The following TYK2 variants were observed in gnomAD, a reference collection of about 807,000 sequenced individuals.
TYK2 encodes non-receptor tyrosine-protein kinase TYK2.
TYK2 carries 65 observed loss-of-function variants against 130.9 expected under a neutral mutation model. That is an observed-to-expected ratio of 0.50 (90% confidence interval 0.41 to 0.61). The LOEUF (loss-of-function observed/expected upper bound fraction) is 0.61. TYK2 is among the 20% of genes least tolerant of loss of function. The probability of loss-of-function intolerance (pLI) is 0.00; values close to 1 mark genes in which losing one functional copy is unlikely to be tolerated. For missense variants in TYK2, 1,378 were observed against 1,610.7 expected, an observed-to-expected ratio of 0.86 and a Z score of 2.47; for synonymous variants, 647 against 658.9, an observed-to-expected ratio of 0.98 and a Z score of 0.28.
Position 10,354,618 on chromosome 19 carries a change from G to C in TYK2, c.2618-9C>G, listed in dbSNP as rs2040990726. ...CAAGACGTCAGCAAGATCTGGAAGA[G>C]TTGCGGTGGGTAAAGGCCTGACCCC... On this transcript the variant is annotated splice_polypyrimidine_tract_variant and intron_variant, in intron 18 of 24. Coordinates refer to ENST00000525621, the MANE Select transcript of TYK2 (RefSeq NM_003331.5). 6.2e-7 allele frequency: 1 copy of C among 1,611,856 alleles called. No homozygotes were observed. Among genetic ancestry groups the C allele is most frequent in the Admixed American group, 1.7e-5 (1 of 59,960 alleles).
rs1599327297 is a variant in TYK2 at position 10,353,316 on chromosome 19, G to T, written c.3027+212C>A. ...CGAGCAAAGCTGGGCAGGAGGGCGA[G>T]TTGGGAGGGGCCGAGCCGGCTGTGC... On this transcript the variant is annotated intron_variant, in intron 21 of 24. Coordinates refer to ENST00000525621, the MANE Select transcript of TYK2 (RefSeq NM_003331.5). This position sits in a 1 kb window ranked among gnomAD's most constrained non-coding sequence, Gnocchi z 6.9. The T allele has an allele frequency of 1.7e-5, 10 of 576,018 alleles. No individual in the cohort carries two copies. In the East Asian group the frequency reaches 3.0e-4, roughly 17 times the overall value. The allele number at this position is 576,018 out of a possible 1,614,324, so 35.7% of individuals were successfully genotyped here. A position where few individuals can be genotyped will look rare whatever the true frequency, so the allele number is the denominator to read the frequency against.
Position 10,361,294 on chromosome 19 carries a change from G to A in TYK2, c.2047+217C>T, listed in dbSNP as rs1384595943. 31 of 629,058 alleles carry A rather than the reference G, an allele frequency of 4.9e-5. No individual in the cohort carries two copies. Among genetic ancestry groups the A allele is most frequent in the Non-Finnish European group, 8.7e-5 (30 of 345,804 alleles). 39.0% of individuals were successfully genotyped at this position (629,058 alleles called of 1,614,324 possible). A position where few individuals can be genotyped will look rare whatever the true frequency, so the allele number is the denominator to read the frequency against. ...GGGGTTGAGACTGAGGGCAGGTGAG[G>A]GTCGACGTGTTGGGATGTAAGTTAT... On this transcript the variant is annotated intron_variant, in intron 14 of 24. Coordinates refer to ENST00000525621, the MANE Select transcript of TYK2 (RefSeq NM_003331.5). The surrounding 1 kb of genome is among the most constrained non-coding windows in gnomAD (Gnocchi z 4.0).
chr19:10,351,215 G>A lies in TYK2; in HGVS notation c.3319-53C>T, dbSNP rs1193412938. The A allele has an allele frequency of 7.6e-6, 11 of 1,447,234 alleles. No homozygotes were observed. The East Asian group carries it at 1.2e-4, about 15-fold the overall frequency. 89.6% of individuals were successfully genotyped at this position (1,447,234 alleles called of 1,614,324 possible). Reference sequence around the variant, plus strand: ...TCAAGAGGCAATGAAAGGCAGGCACGGTGGCTCATGCCTGTAATCCCAGCA... The same window carrying A: ...TCAAGAGGCAATGAAAGGCAGGCACAGTGGCTCATGCCTGTAATCCCAGCA... On this transcript the variant is annotated intron_variant, in intron 23 of 24. Coordinates refer to ENST00000525621, the MANE Select transcript of TYK2 (RefSeq NM_003331.5).
At chr19:10,377,373 T>TGGAC (rs1387214638) in intron 3 of TYK2, among the ~76,000 whole-genome samples, 1 of 143,220 alleles carries the variant, frequency 7.0e-6, no homozygotes, top group East Asian at 2.1e-4. Flanking sequence ...GATGGATGGA[T>TGGAC]AGATGGATGA....
At position 10,359,141 on chromosome 19, in the gene TYK2, T is replaced by C. The variant is rs761974086; in HGVS notation, c.2175+34A>G. 1.6e-5 allele frequency: 25 copies of C among 1,597,378 alleles called. No individual in the cohort carries two copies. In the South Asian group the frequency reaches 2.2e-4, roughly 14 times the overall value. Reference sequence around the variant, plus strand: ...GAACTCCTGGGCTCCTGGCCCTCCCTGACCGACCCAGGCCCCACACACAGG... The same window carrying C: ...GAACTCCTGGGCTCCTGGCCCTCCCCGACCGACCCAGGCCCCACACACAGG... On this transcript the variant is annotated intron_variant, in intron 15 of 24. Transcript: ENST00000525621.
intron 17 of TYK2, 21 bp downstream of exon 17, chr19:10,357,743 C>T: frequency 1.3e-6 from 2 of 1,590,732 alleles, no homozygotes; most frequent in Non-Finnish European, 1.7e-6. Flanking sequence ...CGGGGAGGGC[C>T]CAAGGGTCTC....
chr19:10,371,531 T>C (rs926076834), intron 3 of TYK2, among the ~76,000 whole-genome samples: 1 of 151,900 alleles, frequency 6.6e-6, no homozygotes, highest in African/African-American at 2.4e-5. Flanking sequence ...TCCCAGCTAC[T>C]CGGGAGGCTG....
In TYK2 at chr19:10,352,917, C is replaced by T. The variant is rs2040885511; in HGVS notation, c.3200+9G>A. 2.4e-5 allele frequency: 38 copies of T among 1,604,238 alleles called. 1 individual carries two copies. Among genetic ancestry groups the T allele is most frequent in the Non-Finnish European group, 3.1e-5 (36 of 1,176,388 alleles). Reference sequence around the variant, plus strand: ...CAGCACCCCCTCAGACTGCACCCCGCCTGGTCACCAGAACACGGGGCTGTC... The same window carrying T: ...CAGCACCCCCTCAGACTGCACCCCGTCTGGTCACCAGAACACGGGGCTGTC... On this transcript the variant is annotated intron_variant, in intron 22 of 24. Transcript: ENST00000525621.
In TYK2 at chr19:10,365,754, T is replaced by G; in HGVS notation, c.774A>C (p.Lys258Asn). The change falls in exon 7 of 25, where the codon AAA becomes AAC. Residue 258 changes from lysine (K) to asparagine (N), a missense_variant. Transcript: ENST00000525621. ...GRLSQQMVMVKYLATLERLAP... is the reference protein window; with the variant it reads ...GRLSQQMVMVNYLATLERLAP... ...CCAGCCGCTCGAGTGTGGCTAGGTA[T>G]TTGACCATGACCATCTGCTGGGAGA... 2.5e-6 allele frequency: 4 copies of G among 1,612,944 alleles called. No homozygotes were observed. Among genetic ancestry groups the G allele is most frequent in the Non-Finnish European group, 3.4e-6 (4 of 1,179,878 alleles).
Position 10,378,700 on chromosome 19 carries a change from G to T in TYK2, c.-20-274C>A, listed in dbSNP as rs531271901. Among the ~76,000 whole-genome samples the T allele has an allele frequency of 1.3e-4, 20 of 152,278 alleles. No individual in the cohort carries two copies. The South Asian group carries it at 4.1e-3, about 32-fold the overall frequency. ...GACACAGATATAAAAATCTGCTCTG[G>T]CCAGGTACAGTGGCTCACGCCTCTA... On this transcript the variant is annotated intron_variant, in intron 2 of 24. Transcript: ENST00000525621.
intron 1 of TYK2, among the ~76,000 whole-genome samples, 188 bp from the exon 2 acceptor site, chr19:10,379,967 C>G (rs12720220): frequency 6.6e-6 from 1 of 152,138 alleles, no homozygotes. Context: ...CTCCATCCCC[C>G]CAATCCAGGG....
intron 5 of TYK2, 95 bp from the exon 6 acceptor site, chr19:10,366,675 G>A (rs2041680184): frequency 3.0e-6 from 4 of 1,341,518 alleles, no homozygotes; most frequent in Admixed American, 3.4e-5. Flanking sequence ...GGACCACACT[G>A]GAAGAAGTGT....
intron 23 of TYK2, 124 bp downstream of exon 23, chr19:10,352,310 G>A (rs941954200): frequency 2.7e-5 from 20 of 739,498 alleles, no homozygotes; most frequent in Middle Eastern, 3.8e-4. Flanking sequence ...CTGACCTCGT[G>A]ATCCGCCCGC....
Position 10,364,625 on chromosome 19 carries a change from G to A in TYK2, c.1356C>T (p.His452=), listed in dbSNP as rs776616959. The change falls in exon 9 of 25, where the codon CAC becomes CAT. Residue 452 remains histidine (H), a synonymous_variant. Coordinates refer to ENST00000525621, the MANE Select transcript of TYK2 (RefSeq NM_003331.5). This position sits in a 1 kb window ranked among gnomAD's most constrained non-coding sequence, Gnocchi z 4.9. ...RLVMSIRDGI[H]GPLLEPFVQA... The stretch of plus-strand genomic sequence containing the variant: ...CACCCAGCACTCACAGCAGGGGTCC[G>A]TGGATCCCATCCCGGATGCTCATCA... 130 of 1,613,600 alleles carry A rather than the reference G, an allele frequency of 8.1e-5. 1 individual carries two copies. In the South Asian group the frequency reaches 1.1e-3, roughly 13 times the overall value.
chr19:10,380,041 G>C (rs1292249837), intron 1 of TYK2, among the ~76,000 whole-genome samples: 2 of 152,158 alleles, frequency 1.3e-5, no homozygotes, highest in Non-Finnish European at 2.9e-5. Flanking sequence ...CATGTTGCTG[G>C]TTTCCTCATC....
At chr19:10,355,427 G>A (rs968095038) in intron 18 of TYK2, among the ~76,000 whole-genome samples, 1 of 151,732 alleles carries the variant, frequency 6.6e-6, no homozygotes, top group Non-Finnish European at 1.5e-5. Context: ...ATCACCTGAG[G>A]TCAGGAGTTT....
At chr19:10,376,677 A>G (rs2042131306) in intron 3 of TYK2, among the ~76,000 whole-genome samples, 1 of 149,540 alleles carries the variant, frequency 6.7e-6, no homozygotes, top group Non-Finnish European at 1.5e-5. Context: ...ATCTCGGCTC[A>G]CTGCAACCTC....
chr19:10,376,455 C>A (rs2042124254), intron 3 of TYK2, among the ~76,000 whole-genome samples: 1 of 133,072 alleles, frequency 7.5e-6, no homozygotes. Flanking sequence ...TTGCAGGCAC[C>A]TGCCACCATG....
chr19:10,363,972 C>G (rs998706403), intron 9 of TYK2, among the ~76,000 whole-genome samples: 1 of 152,174 alleles, frequency 6.6e-6, no homozygotes, highest in African/African-American at 2.4e-5. Flanking sequence ...CACGACTTGG[C>G]AGCACACAGG....
Sources: allele counts gnomAD v4.1 joint callset (sites outside exome capture counted in the v4.1 genomes callset), GRCh38; gene constraint gnomAD v4.1.1; non-coding constraint Gnocchi (gnomAD v3.1); transcripts MANE v1.5; gene names NCBI Gene and HGNC (gene_info 2026-07-23, HGNC 2026-07-21).